Variants in RPS6KC1 observed in about 807,000 individuals in gnomAD.
RPS6KC1 encodes inactive ribosomal protein S6 kinase delta-1.
In RPS6KC1, 54 loss-of-function variants were observed where a neutral mutation model predicts 103.8. The observed-to-expected ratio is 0.52, with a 90% CI of 0.42 to 0.65. RPS6KC1 has a LOEUF of 0.65. Among genes scored for constraint, RPS6KC1 ranks in the 30% least tolerant of loss-of-function variants. The pLI is 0.00. For synonymous variants in RPS6KC1, 439 were observed against 438.7 expected, an observed-to-expected ratio of 1.00 and a Z score of -0.01; for missense variants, 1,151 against 1,253.8, an observed-to-expected ratio of 0.92 and a Z score of 1.24.
At chr1:213,709,788 T>C in the RPS6KC1 span, among the ~76,000 whole-genome samples, 1 of 152,242 alleles carries the variant, frequency 6.6e-6, no homozygotes, top group African/African-American at 2.4e-5. Flanking sequence ...CCAGTAGTCA[T>C]TCAGGAGCCG....
At chr1:213,588,548 C>T in the RPS6KC1 span, among the ~76,000 whole-genome samples, 1 of 152,264 alleles carries the variant, frequency 6.6e-6, no homozygotes, top group African/African-American at 2.4e-5. Context: ...ATCTGCCCTC[C>T]TCAGCCTCCC....
intron 3 of RPS6KC1, among the ~76,000 whole-genome samples, chr1:213,082,695 C>T (rs942105395): frequency 4.6e-5 from 7 of 152,052 alleles, no homozygotes; most frequent in African/African-American, 1.7e-4. Flanking sequence ...TCTTGCTGCT[C>T]ATAGTAAAAT....
At chr1:213,158,762 A>C (rs2090173068) in intron 6 of RPS6KC1, among the ~76,000 whole-genome samples, 1 of 152,180 alleles carries the variant, frequency 6.6e-6, no homozygotes, top group Admixed American at 6.5e-5. Context: ...TAAAATTAGT[A>C]GTCACAGATA....
the RPS6KC1 span, among the ~76,000 whole-genome samples, chr1:213,827,053 A>G: frequency 6.6e-6 from 1 of 152,116 alleles, no homozygotes; most frequent in Non-Finnish European, 1.5e-5. Context: ...AGTAACTCTG[A>G]GGTTGTCACA....
At chr1:213,377,654 C>T in the RPS6KC1 span, among the ~76,000 whole-genome samples, 1 of 152,142 alleles carries the variant, frequency 6.6e-6, no homozygotes, top group South Asian at 2.1e-4. Flanking sequence ...GGAGGTGGAA[C>T]ATTTCTCAAG....
the RPS6KC1 span, among the ~76,000 whole-genome samples, chr1:213,359,569 A>G: frequency 1.6e-4 from 24 of 152,064 alleles, no homozygotes; most frequent in African/African-American, 5.8e-4. Context: ...TAAAGTTAAT[A>G]TTGTTATGTG....
intron 9 of RPS6KC1, 69 bp downstream of exon 9, chr1:213,230,613 T>A: frequency 8.8e-7 from 1 of 1,141,258 alleles, no homozygotes; most frequent in Non-Finnish European, 1.3e-6. Context: ...GATAGGCAGG[T>A]CACCTAAGGT....
the RPS6KC1 span, among the ~76,000 whole-genome samples, chr1:213,724,886 C>A: frequency 6.6e-6 from 1 of 152,202 alleles, no homozygotes; most frequent in Non-Finnish European, 1.5e-5. Flanking sequence ...AGTGCTATCT[C>A]TTTTCACATT....
the RPS6KC1 span, among the ~76,000 whole-genome samples, chr1:213,829,024 C>A: frequency 1.3e-5 from 2 of 152,086 alleles, no homozygotes; most frequent in Admixed American, 6.6e-5. Context: ...CAGAGAGTGG[C>A]AGTCAGTCAC....
chr1:213,599,372 TG>T, the RPS6KC1 span, among the ~76,000 whole-genome samples: 236 of 151,440 alleles, frequency 1.6e-3, no homozygotes, highest in African/African-American at 5.5e-3. Flanking sequence ...TTTTCTTTGC[TG>T]GGTCTGTCCT....
chr1:213,328,524 A>ATATATATATC, the RPS6KC1 span, among the ~76,000 whole-genome samples: 1 of 136,846 alleles, frequency 7.3e-6, no homozygotes, highest in South Asian at 2.3e-4. Flanking sequence ...ATATATATAT[A>ATATATATATC]TATATATATA....
the RPS6KC1 span, among the ~76,000 whole-genome samples, chr1:213,342,832 T>C: frequency 6.6e-6 from 1 of 152,066 alleles, no homozygotes; most frequent in Non-Finnish European, 1.5e-5. Flanking sequence ...ACAGAGATGA[T>C]TTAGAGAACG....
At chr1:213,449,091 C>A in the RPS6KC1 span, among the ~76,000 whole-genome samples, 3 of 152,122 alleles carry the variant, frequency 2.0e-5, no homozygotes, top group Admixed American at 6.5e-5. Context: ...TGCTGTGTGG[C>A]TTGAAACTTT....
chr1:213,421,976 A>C, the RPS6KC1 span, among the ~76,000 whole-genome samples: 71 of 152,330 alleles, frequency 4.7e-4, no homozygotes, highest in African/African-American at 1.7e-3. Context: ...AAGTTCCTAG[A>C]GGACTGTGAC....
rs2093318834 is a variant in RPS6KC1, at chr1:213,205,539, T to TATATATATATATATATATATAC, written c.1045-24951_1045-24950insTATATATATATATACATATATA. The TATATATATATATATATATATAC allele has an allele frequency of 1.7e-5, 2 of 117,578 alleles. 1 individual carries two copies. The highest frequency in any genetic ancestry group is 3.6e-5 in the Non-Finnish European group (2 of 55,890). 7.3% of individuals were successfully genotyped at this position (117,578 alleles called of 1,614,324 possible). A position where few individuals can be genotyped will look rare whatever the true frequency, so the allele number is the denominator to read the frequency against. Reference sequence around the variant, plus strand: ...ATGTTAATAACAACAAACTCATTTATATATATAGATATATATATATATATA... The same window carrying TATATATATATATATATATATAC: ...ATGTTAATAACAACAAACTCATTTATATATATATATATATATATATACATATATAGATATATATATATATATA... On this transcript the variant is annotated intron_variant, in intron 8 of 14. Coordinates refer to ENST00000366960, the MANE Select transcript of RPS6KC1 (RefSeq NM_012424.6).
Position 213,097,452 on chromosome 1 carries a change from C to T in RPS6KC1, c.263-7002C>T, listed in dbSNP as rs540491136. 3.9e-5 allele frequency among the ~76,000 whole-genome samples: 6 copies of T among 152,278 alleles called. No homozygotes were observed. In the South Asian group the frequency reaches 1.0e-3, roughly 26 times the overall value. On this transcript the variant is annotated intron_variant, in intron 3 of 14. Transcript: ENST00000366960. ...ATGCTATTAACAGATGCACTGTCATCGAGGCTTTTTCTGTTGATGGAACAC... is the reference window on the plus strand; with the variant it reads ...ATGCTATTAACAGATGCACTGTCATTGAGGCTTTTTCTGTTGATGGAACAC...
the RPS6KC1 span, among the ~76,000 whole-genome samples, chr1:213,862,461 A>T: frequency 5.9e-3 from 902 of 152,268 alleles, 9 homozygotes; most frequent in African/African-American, 0.02. Context: ...AGAGCACGTG[A>T]TTTATTTCTG....
At chr1:213,585,512 A>G in the RPS6KC1 span, among the ~76,000 whole-genome samples, 1 of 152,168 alleles carries the variant, frequency 6.6e-6, no homozygotes, top group African/African-American at 2.4e-5. Context: ...CTGATCTCCA[A>G]ATAACACAAA....
chr1:213,802,147 A>G, the RPS6KC1 span, among the ~76,000 whole-genome samples: 1 of 152,214 alleles, frequency 6.6e-6, no homozygotes, highest in Non-Finnish European at 1.5e-5. Flanking sequence ...TAACATTTCT[A>G]AGAAGCATAA....
Sources: gnomAD v4.1 joint callset for allele counts (sites outside exome capture counted in the v4.1 genomes callset) on GRCh38, gnomAD v4.1.1 for gene constraint, MANE v1.5 for transcripts, NCBI Gene and HGNC (gene_info 2026-07-23, HGNC 2026-07-21) for gene names.